STXBP6: variants seen among roughly 807,000 people sequenced by gnomAD.
The protein encoded by STXBP6 is syntaxin-binding protein 6.
In STXBP6, 21 loss-of-function variants were observed where a neutral mutation model predicts 26.9. The observed-to-expected ratio is 0.78, with a 90% CI of 0.55 to 1.12. STXBP6 has a LOEUF of 1.12. STXBP6 is among the 50% of genes most tolerant of loss of function. STXBP6 has a pLI of 0.00. For synonymous variants in STXBP6, 97 were observed against 92.6 expected (o/e 1.05, Z -0.27); for missense variants, 232 against 257.9 (o/e 0.90, Z 0.69).
At chr14:24,935,939 G>C (rs866946615) in intron 2 of STXBP6, among the ~76,000 whole-genome samples, 1 of 152,200 alleles carries the variant, frequency 6.6e-6, no homozygotes, top group Admixed American at 6.5e-5. Context: ...TCACAGGAGA[G>C]ATCTAGCCCA....
intron 2 of STXBP6, among the ~76,000 whole-genome samples, chr14:24,874,034 G>C (rs140415821): frequency 0.011 from 1,622 of 152,264 alleles, 9 homozygotes; most frequent in Non-Finnish European, 0.015. Flanking sequence ...AGCATTTGTA[G>C]GATCACAAAC....
At chr14:24,942,092 T>C (rs1305998040) in intron 2 of STXBP6, among the ~76,000 whole-genome samples, 1 of 152,184 alleles carries the variant, frequency 6.6e-6, no homozygotes, top group Non-Finnish European at 1.5e-5. Context: ...ACAGTCAACT[T>C]GTAAAAAGCA....
In STXBP6 at chr14:24,812,548, C is replaced by T; in HGVS notation, c.*161G>A. 3.1e-6 allele frequency: 2 copies of T among 641,424 alleles called. No homozygotes were observed. The allele number at this position is 641,424 out of a possible 1,614,324, so 39.7% of individuals were successfully genotyped here. ...ATTAGGGAAATGTAAAAATGCAACA[C>T]CCTTTCTTTCACATTAACATCTGAA... On this transcript the variant is annotated 3_prime_UTR_variant, in exon 6 of 6. Transcript: ENST00000323944.
At chr14:24,825,949 A>T (rs2068267364) in intron 4 of STXBP6, among the ~76,000 whole-genome samples, 1 of 152,222 alleles carries the variant, frequency 6.6e-6, no homozygotes, top group African/African-American at 2.4e-5. Flanking sequence ...TTCAGAGATT[A>T]TCAGTTTCTC....
At chr14:24,950,165 C>T (rs911152973) in intron 2 of STXBP6, among the ~76,000 whole-genome samples, 17 of 152,144 alleles carry the variant, frequency 1.1e-4, no homozygotes, top group Admixed American at 8.5e-4. Context: ...ACCCTCCCTG[C>T]TCAATAAATA....
intron 1 of STXBP6, among the ~76,000 whole-genome samples, chr14:25,027,190 C>T (rs1487907790): frequency 6.6e-6 from 1 of 152,166 alleles, no homozygotes; most frequent in Non-Finnish European, 1.5e-5. Context: ...TTGCACTTCA[C>T]AGATATTTTA....
intron 2 of STXBP6, among the ~76,000 whole-genome samples, chr14:24,861,277 G>A (rs2069530186): frequency 1.3e-5 from 2 of 152,080 alleles, no homozygotes; most frequent in African/African-American, 4.8e-5. Flanking sequence ...TTCAACAAGA[G>A]TGCTGATGAA....
intron 2 of STXBP6, among the ~76,000 whole-genome samples, chr14:24,930,236 T>C (rs535133819): frequency 6.6e-6 from 1 of 152,318 alleles, no homozygotes; most frequent in Non-Finnish European, 1.5e-5. Context: ...ACTTTCCATG[T>C]CTGCACTTTC....
chr14:24,899,802 A>AAAAAAAAAG (rs2071142784), intron 2 of STXBP6, among the ~76,000 whole-genome samples: 1 of 83,468 alleles, frequency 1.2e-5, no homozygotes, highest in Non-Finnish European at 2.1e-5. Flanking sequence ...AAAAAAAAGC[A>AAAAAAAAAG]AAAAAAAAAA....
intron 2 of STXBP6, among the ~76,000 whole-genome samples, chr14:24,947,374 G>A (rs143164106): frequency 1.3e-4 from 20 of 152,328 alleles, no homozygotes; most frequent in Non-Finnish European, 2.1e-4. Context: ...AGAGCACAAC[G>A]TGGTGAAAGA....
At chr14:24,895,590 T>A (rs1013168058) in intron 2 of STXBP6, among the ~76,000 whole-genome samples, 14 of 152,182 alleles carry the variant, frequency 9.2e-5, no homozygotes, top group Non-Finnish European at 1.9e-4. Flanking sequence ...ACATACAGGA[T>A]TGAGGTCAGA....
chr14:24,950,986 C>T (rs144005238), intron 2 of STXBP6, among the ~76,000 whole-genome samples: 60 of 151,972 alleles, frequency 3.9e-4, no homozygotes, highest in East Asian at 2.3e-3. Flanking sequence ...TGAGAGCATG[C>T]GGTTTTGGTT....
intron 2 of STXBP6, among the ~76,000 whole-genome samples, chr14:24,955,279 G>A (rs1325330061): frequency 6.6e-6 from 1 of 152,032 alleles, no homozygotes; most frequent in Admixed American, 6.6e-5. Context: ...CAACCTCCTG[G>A]GGATGGCTAC....
intron 1 of STXBP6, among the ~76,000 whole-genome samples, chr14:25,001,218 C>T (rs746527502): frequency 6.6e-6 from 1 of 152,098 alleles, no homozygotes; most frequent in Non-Finnish European, 1.5e-5. Context: ...GATTAATGTG[C>T]TGAGTAGAAT....
chr14:24,895,280 C>T (rs1217969266), intron 2 of STXBP6, among the ~76,000 whole-genome samples: 1 of 152,180 alleles, frequency 6.6e-6, no homozygotes, highest in Non-Finnish European at 1.5e-5. Context: ...GAAATAAAAA[C>T]CACGAGGAAT....
intron 2 of STXBP6, among the ~76,000 whole-genome samples, chr14:24,877,242 G>A (rs1317978768): frequency 6.6e-6 from 1 of 152,124 alleles, no homozygotes; most frequent in Non-Finnish European, 1.5e-5. Flanking sequence ...TGTACTCAAA[G>A]ACCTCAAAAC....
intron 2 of STXBP6, among the ~76,000 whole-genome samples, chr14:24,963,602 C>CT (rs2073623824): frequency 6.6e-6 from 1 of 152,072 alleles, no homozygotes; most frequent in African/African-American, 2.4e-5. Flanking sequence ...AGCCCTCTTT[C>CT]AGGAAATGTA....
At chr14:24,948,666 C>T (rs1369806636) in intron 2 of STXBP6, among the ~76,000 whole-genome samples, 1 of 152,170 alleles carries the variant, frequency 6.6e-6, no homozygotes, top group Non-Finnish European at 1.5e-5. Context: ...GTTGCTATCT[C>T]AGCAGGGGTT....
chr14:24,909,516 C>T (rs571663390), intron 2 of STXBP6, among the ~76,000 whole-genome samples: 2 of 151,974 alleles, frequency 1.3e-5, no homozygotes, highest in Admixed American at 1.3e-4. Flanking sequence ...CATGGTGGTT[C>T]GTGCCTGTAA....
Sources: allele counts gnomAD v4.1 joint callset (sites outside exome capture counted in the v4.1 genomes callset), GRCh38; gene constraint gnomAD v4.1.1; transcripts MANE v1.5; gene names NCBI Gene and HGNC (gene_info 2026-07-23, HGNC 2026-07-21).